Variants in NDST4 observed in about 807,000 individuals in gnomAD.
NDST4 encodes N-deacetylase and N-sulfotransferase 4.
Under a neutral mutation model 100.8 loss-of-function variants are expected in NDST4, and 63 were observed. The ratio of observed to expected loss-of-function variants is 0.62; its 90% confidence interval spans 0.51 to 0.77. The LOEUF (loss-of-function observed/expected upper bound fraction) is 0.77. Among genes scored for constraint, NDST4 ranks in the 30% least tolerant of loss-of-function variants. The pLI is 0.00. For synonymous variants in NDST4, 377 were observed against 361.8 expected (o/e 1.04, Z -0.48); for missense variants, 943 against 1,018.4 (o/e 0.93, Z 1.01).
intron 6 of NDST4, among the ~76,000 whole-genome samples, chr4:114,900,599 T>C (rs374107207): frequency 6.6e-6 from 1 of 152,192 alleles, no homozygotes; most frequent in East Asian, 1.9e-4. Context: ...AGCTCAGCAA[T>C]ATGCTGTGTA....
At chr4:114,836,302 G>A (rs1380569605) in intron 11 of NDST4, among the ~76,000 whole-genome samples, 3 of 152,116 alleles carry the variant, frequency 2.0e-5, no homozygotes, top group African/African-American at 7.2e-5. Context: ...TGTAAGGCAG[G>A]CCTGGTGGTG....
chr4:115,074,698 T>C (rs1237366868), intron 2 of NDST4, among the ~76,000 whole-genome samples: 1 of 152,134 alleles, frequency 6.6e-6, no homozygotes, highest in African/African-American at 2.4e-5. Context: ...CTTATTCTAC[T>C]GCTTTCAATC....
At chr4:114,948,961 A>G (rs1409645166) in intron 4 of NDST4, among the ~76,000 whole-genome samples, 1 of 152,054 alleles carries the variant, frequency 6.6e-6, no homozygotes, top group East Asian at 1.9e-4. Flanking sequence ...TCCAATTTAA[A>G]TAGTCATATT....
In NDST4 at chr4:114,937,470, C is replaced by A; in HGVS notation, c.1255G>T (p.Val419Leu). The A allele has an allele frequency of 1.3e-6, 2 of 1,595,730 alleles. No homozygotes were observed. Among genetic ancestry groups the A allele is most frequent in the Non-Finnish European group, 1.7e-6 (2 of 1,170,810 alleles). Reference sequence around the variant, plus strand: ...TAGACCCCTGAGTGATGTGGGGCCACAGCATAGCCCATGTTGATTGGTATT... The same window carrying A: ...TAGACCCCTGAGTGATGTGGGGCCAAAGCATAGCCCATGTTGATTGGTATT... Reference protein sequence around the residue: ...HGIPINMGYAVAPHHSGVYPV... With the variant: ...HGIPINMGYALAPHHSGVYPV... Residue 419 changes from valine to leucine, a missense_variant, in exon 5 of 14, where the codon GTG becomes TTG. Physicochemically the swap from Val to Leu is conservative, Grantham distance 32 (BLOSUM62 1). Coordinates refer to ENST00000264363, the MANE Select transcript of NDST4 (RefSeq NM_022569.3).
chr4:114,848,577 C>T (rs1218931002), intron 8 of NDST4, among the ~76,000 whole-genome samples: 1 of 152,170 alleles, frequency 6.6e-6, no homozygotes, highest in African/African-American at 2.4e-5. Flanking sequence ...CAAAGTAAAG[C>T]AGACTGATGA....
At chr4:115,032,890 C>T (rs1267020788) in intron 2 of NDST4, among the ~76,000 whole-genome samples, 1 of 151,828 alleles carries the variant, frequency 6.6e-6, no homozygotes, top group Non-Finnish European at 1.5e-5. Context: ...ATAACTTGTT[C>T]CTCTATAAAT....
chr4:115,063,489 T>C (rs1278026066), intron 2 of NDST4, among the ~76,000 whole-genome samples: 1 of 152,004 alleles, frequency 6.6e-6, no homozygotes, highest in Non-Finnish European at 1.5e-5. Flanking sequence ...ACCATGTGTA[T>C]TTCTATAAGG....
At chr4:115,042,792 T>C (rs1223229285) in intron 2 of NDST4, among the ~76,000 whole-genome samples, 1 of 152,098 alleles carries the variant, frequency 6.6e-6, no homozygotes, top group Non-Finnish European at 1.5e-5. Context: ...AGAGGTTGTT[T>C]CTAGACTCTG....
intron 2 of NDST4, among the ~76,000 whole-genome samples, chr4:114,992,643 C>T (rs1488989218): frequency 6.6e-6 from 1 of 151,340 alleles, no homozygotes; most frequent in Non-Finnish European, 1.5e-5. Context: ...TTACAGGATG[C>T]CAAACCTGTG....
Position 115,101,415 on chromosome 4 carries a change from A to C in NDST4, c.-247+12029T>G, listed in dbSNP as rs557753074. Among the ~76,000 whole-genome samples the C allele has an allele frequency of 1.3e-4, 20 of 152,208 alleles. No individual in the cohort carries two copies. The South Asian group carries it at 2.5e-3, about 19-fold the overall frequency. ...GTGTAAGTTAAAGGATAGAAAAAAAACCCTAATATTGAGTAAGAACACTAA... is the reference window on the plus strand; with the variant it reads ...GTGTAAGTTAAAGGATAGAAAAAAACCCCTAATATTGAGTAAGAACACTAA... On this transcript the variant is annotated intron_variant, in intron 1 of 13. Coordinates refer to ENST00000264363, the MANE Select transcript of NDST4 (RefSeq NM_022569.3).
chr4:114,863,328 G>A (rs1021840783), intron 7 of NDST4, among the ~76,000 whole-genome samples: 1 of 152,212 alleles, frequency 6.6e-6, no homozygotes. Context: ...AGGTCACACA[G>A]CAAGGTAGTT....
chr4:115,020,417 T>G (rs1727784408), intron 2 of NDST4, among the ~76,000 whole-genome samples: 1 of 152,068 alleles, frequency 6.6e-6, no homozygotes, highest in African/African-American at 2.4e-5. Flanking sequence ...TGGAAGAAAT[T>G]TCTAAGCAAA....
At chr4:115,023,796 T>C (rs1001657537) in intron 2 of NDST4, among the ~76,000 whole-genome samples, 2 of 152,134 alleles carry the variant, frequency 1.3e-5, no homozygotes, top group Non-Finnish European at 1.5e-5. Context: ...ACCAAAGGCA[T>C]TACAGAGAAC....
At chr4:114,842,333 C>T (rs1041855102) in intron 10 of NDST4, among the ~76,000 whole-genome samples, 13 of 152,150 alleles carry the variant, frequency 8.5e-5, no homozygotes, top group African/African-American at 2.9e-4. Context: ...ATCACAGTCA[C>T]TTCAATTTTT....
chr4:114,850,003 G>A (rs1200413556), intron 8 of NDST4, among the ~76,000 whole-genome samples: 1 of 152,130 alleles, frequency 6.6e-6, no homozygotes, highest in Non-Finnish European at 1.5e-5. Flanking sequence ...AAATGAATTA[G>A]CAATAGAGTA....
Position 114,910,821 on chromosome 4 carries a change from C to A in NDST4, c.1536+24385G>T, listed in dbSNP as rs74417031. 9.6e-3 allele frequency among the ~76,000 whole-genome samples: 1,463 copies of A among 152,310 alleles called. 19 individuals carry two copies. Among genetic ancestry groups the A allele is most frequent in the Middle Eastern group, 0.031 (9 of 294 alleles). ...GTAAACATGCTTTCACTCACCTGCT[C>A]TTCAGGCTAAAATATTTGATACATC... is the stretch of plus-strand genomic sequence containing the variant. On this transcript the variant is annotated intron_variant, in intron 6 of 13. Coordinates refer to ENST00000264363, the MANE Select transcript of NDST4 (RefSeq NM_022569.3).
intron 5 of NDST4, 29 bp from the exon 6 acceptor site, chr4:114,935,363 T>G: frequency 2.0e-6 from 3 of 1,513,642 alleles, no homozygotes; most frequent in Non-Finnish European, 2.7e-6. Flanking sequence ...AAACAGCACA[T>G]GGACGTGATT....
rs59806494 is a variant in NDST4, at chr4:114,986,793, C to CATATATATATATATAT, written c.979-9535_979-9520dup. On this transcript the variant is annotated intron_variant, in intron 2 of 13. Coordinates refer to ENST00000264363, the MANE Select transcript of NDST4 (RefSeq NM_022569.3). ...CCTCTAAGCCTGGTATCCAATTATA[C>CATATATATATATATAT]ATATATATATATATATATATATATA... 8.9e-4 allele frequency among the ~76,000 whole-genome samples: 81 copies of CATATATATATATATAT among 91,104 alleles called. 1 individual carries two copies. Among genetic ancestry groups the CATATATATATATATAT allele is most frequent in the South Asian group, 3.7e-3 (6 of 1,600 alleles). The allele number at this position is 91,104 out of a possible 152,430, so 59.8% of individuals were successfully genotyped here.
chr4:114,840,111 G>A lies in NDST4; in HGVS notation c.2116-563C>T, dbSNP rs577497718. On this transcript the variant is annotated intron_variant, in intron 10 of 13. Coordinates refer to ENST00000264363, the MANE Select transcript of NDST4 (RefSeq NM_022569.3). ...TGCTATGGGTACAGAGAAAGCTGCTGTCTATTTCTCATGCTTGTTTAGATG... is the reference window on the plus strand; with the variant it reads ...TGCTATGGGTACAGAGAAAGCTGCTATCTATTTCTCATGCTTGTTTAGATG... 7.2e-5 allele frequency among the ~76,000 whole-genome samples: 11 copies of A among 152,252 alleles called. No homozygotes were observed. In the East Asian group the frequency reaches 2.1e-3, roughly 29 times the overall value.
Sources: gnomAD v4.1 joint callset for allele counts (sites outside exome capture counted in the v4.1 genomes callset) on GRCh38, gnomAD v4.1.1 for gene constraint, MANE v1.5 for transcripts, NCBI Gene and HGNC (gene_info 2026-07-23, HGNC 2026-07-21) for gene names.